ZNF564: variants seen among roughly 807,000 people sequenced by gnomAD.
ZNF564 encodes the protein zinc finger protein 564.
ZNF564 carries 5 observed loss-of-function variants against 10.5 expected under a neutral mutation model. That is an observed-to-expected ratio of 0.48 (90% CI 0.25 to 1.00). The LOEUF (loss-of-function observed/expected upper bound fraction) is 1.00. ZNF564 is among the 50% of genes least tolerant of loss of function. The pLI is 0.16. For missense variants in ZNF564, 603 were observed against 669.7 expected (o/e 0.90, Z 1.10); for synonymous variants, 242 against 218.1 (o/e 1.11, Z -0.97).
chr19:12,528,453 C>G, intron 2 of ZNF564, 89 bp from the exon 3 acceptor site: 1 of 1,575,556 alleles, frequency 6.3e-7, no homozygotes, highest in African/African-American at 1.4e-5. Context: ...GTGCAAACAA[C>G]CCTGATTTAT....
intron 1 of ZNF564, chr19:12,548,284 C>T: frequency 3.4e-6 from 2 of 596,276 alleles, no homozygotes; most frequent in Non-Finnish European, 4.2e-6. Flanking sequence ...GTGGCACGAT[C>T]CCGGCTCACT....
intron 1 of ZNF564, chr19:12,548,298 A>T (rs184061778): frequency 6.3e-5 from 25 of 399,066 alleles, no homozygotes; most frequent in African/African-American, 5.5e-4. Flanking sequence ...GCTCACTGCA[A>T]CCTCCGCCTC....
In ZNF564 at chr19:12,526,614, A is replaced by T; in HGVS notation, c.1494T>A (p.Thr498=). ...YASSIRIHER[T]HTGEKPYECK... ...ATTCATAGGGTTTTTCTCCGGTATG[A>T]GTTCTTTCATGTATTCTAATGGAAC... The change falls in exon 4 of 4, where the codon ACT becomes ACA. Residue 498 remains threonine, a synonymous_variant. Coordinates refer to ENST00000339282, the MANE Select transcript of ZNF564 (RefSeq NM_144976.4). 1.9e-6 allele frequency: 3 copies of T among 1,614,068 alleles called. No individual in the cohort carries two copies. The highest frequency in any genetic ancestry group is 2.5e-6 in the Non-Finnish European group (3 of 1,180,026).
Position 12,541,083 on chromosome 19 carries a change from A to G in ZNF564, c.3+10247T>C, listed in dbSNP as rs1020649900. On this transcript the variant is annotated intron_variant, in intron 1 of 3. Coordinates refer to ENST00000339282, the MANE Select transcript of ZNF564 (RefSeq NM_144976.4). ...TGTCTCTACAAAAAAAAAAAAAAAA[A>G]AAAAAGAAACACAAAAATTAGCTGG... 4.7e-5 allele frequency among the ~76,000 whole-genome samples: 7 copies of G among 150,430 alleles called. 1 individual carries two copies. Among genetic ancestry groups the G allele is most frequent in the African/African-American group, 1.7e-4 (7 of 40,822 alleles).
chr19:12,543,961 G>A (rs1170583546), intron 1 of ZNF564, among the ~76,000 whole-genome samples: 2 of 152,236 alleles, frequency 1.3e-5, no homozygotes, highest in South Asian at 2.1e-4. Flanking sequence ...TGCCTTGTGA[G>A]GATATAATGA....
chr19:12,537,100 G>C (rs986519917), intron 1 of ZNF564, among the ~76,000 whole-genome samples: 1 of 151,976 alleles, frequency 6.6e-6, no homozygotes, highest in African/African-American at 2.4e-5. Flanking sequence ...CTTCATTATA[G>C]GTTTCTCAAG....
intron 3 of ZNF564, 120 bp downstream of exon 3, chr19:12,528,184 G>C: frequency 9.5e-7 from 1 of 1,049,922 alleles, no homozygotes; most frequent in Non-Finnish European, 1.4e-6. Flanking sequence ...TCTTTTTCTG[G>C]TGAAAAAGTT....
At chr19:12,548,490 A>C (rs977698111) in intron 1 of ZNF564, among the ~76,000 whole-genome samples, 3 of 151,940 alleles carry the variant, frequency 2.0e-5, no homozygotes, top group African/African-American at 7.2e-5. Flanking sequence ...GCTGGGATTA[A>C]AGGCGTGAGC....
At chr19:12,542,142 C>T in intron 1 of ZNF564, among the ~76,000 whole-genome samples, 1 of 151,254 alleles carries the variant, frequency 6.6e-6, no homozygotes, top group East Asian at 1.9e-4. Flanking sequence ...AACCCCGACT[C>T]TACTAAAAAT....
At chr19:12,546,893 T>A (rs1236141350) in intron 1 of ZNF564, among the ~76,000 whole-genome samples, 1 of 152,146 alleles carries the variant, frequency 6.6e-6, no homozygotes, top group African/African-American at 2.4e-5. Flanking sequence ...CTTTGACCCA[T>A]CCTCCACAGC....
At chr19:12,540,244 C>T (rs1414541990) in intron 1 of ZNF564, among the ~76,000 whole-genome samples, 2 of 152,172 alleles carry the variant, frequency 1.3e-5, no homozygotes, top group South Asian at 2.1e-4. Context: ...TCTTCAAAGT[C>T]GTGGCCTGGC....
intron 1 of ZNF564, chr19:12,548,967 A>C (rs2022203610): frequency 2.9e-6 from 2 of 681,338 alleles, no homozygotes; most frequent in Admixed American, 2.1e-5. Flanking sequence ...TTCCCTACTT[A>C]TCTGAGATTC....
intron 1 of ZNF564, among the ~76,000 whole-genome samples, chr19:12,543,002 CA>C (rs991272236): frequency 1.3e-5 from 2 of 148,394 alleles, no homozygotes; most frequent in African/African-American, 5.0e-5. Flanking sequence ...AACTCCACCA[CA>C]AAAAAGAAAA....
chr19:12,531,272 G>A (rs1232828611), intron 1 of ZNF564, among the ~76,000 whole-genome samples: 4 of 152,050 alleles, frequency 2.6e-5, no homozygotes, highest in South Asian at 2.1e-4. Flanking sequence ...GCCAGGTATG[G>A]TGGCTCATGT....
At chr19:12,541,226 T>C (rs1213956631) in intron 1 of ZNF564, among the ~76,000 whole-genome samples, 1 of 151,948 alleles carries the variant, frequency 6.6e-6, no homozygotes, top group African/African-American at 2.4e-5. Flanking sequence ...CACTCCACCC[T>C]GGGTGATGGG....
In ZNF564 at chr19:12,526,967, G is replaced by A. The variant is rs778023555; in HGVS notation, c.1141C>T (p.Arg381Ter). 6.8e-6 allele frequency: 11 copies of A among 1,613,094 alleles called. No individual in the cohort carries two copies. The highest frequency in any genetic ancestry group is 2.2e-5 in the East Asian group (1 of 44,830). Residue 381 changes from arginine (R) to a stop codon, truncating the protein, a stop_gained, in exon 4 of 4, where the codon CGA (arginine) becomes TGA (stop). Transcript: ENST00000339282. LOFTEE classifies it low-confidence loss of function (END_TRUNC). ...CCAGTGTGCTTTATCATGTGTCTTC[G>A]GACACTTGGGAGAGAAATGAAGGCT... ...GKAFISLPSVRRHMIKHTGDG... is the reference protein window; with the variant it reads ...GKAFISLPSV
chr19:12,528,074 G>A (rs376178805), intron 3 of ZNF564, among the ~76,000 whole-genome samples, 158 bp from the exon 4 acceptor site: 5 of 152,162 alleles, frequency 3.3e-5, no homozygotes, highest in Non-Finnish European at 7.3e-5. Context: ...AAGAGAGCTT[G>A]ACAGTAGCTA....
chr19:12,530,842 C>A lies in ZNF564; in HGVS notation c.4-2146G>T, dbSNP rs759968925. ...AGTGCAGTGGCATGATCACAGCTCA[C>A]TGAAGCCTTGATCTCCTGGGCTCAT... On this transcript the variant is annotated intron_variant, in intron 1 of 3. Coordinates refer to ENST00000339282, the MANE Select transcript of ZNF564 (RefSeq NM_144976.4). Among the ~76,000 whole-genome samples, 9 of 152,300 alleles carry A rather than the reference C, an allele frequency of 5.9e-5. No individual in the cohort carries two copies. The South Asian group carries it at 1.4e-3, about 25-fold the overall frequency.
intron 1 of ZNF564, chr19:12,541,451 G>T (rs1001099598): frequency 1.3e-5 from 2 of 151,974 alleles, no homozygotes; most frequent in African/African-American, 2.4e-5. Context: ...TTGGGAGGCT[G>T]AGGCAGGAGA....
Sources: gnomAD v4.1 joint callset for allele counts (sites outside exome capture counted in the v4.1 genomes callset) on GRCh38, gnomAD v4.1.1 for gene constraint, MANE v1.5 for transcripts, NCBI Gene and HGNC (gene_info 2026-07-23, HGNC 2026-07-21) for gene names.